VOPP1: variants seen among roughly 807,000 people sequenced by gnomAD.
VOPP1 encodes WW domain binding protein VOPP1.
A neutral mutation model predicts 23.5 loss-of-function variants in VOPP1; 8 were observed. That is an observed-to-expected ratio of 0.34 (90% CI 0.20 to 0.61). The LOEUF (loss-of-function observed/expected upper bound fraction) is 0.61, where lower values mean the gene tolerates loss of function less well. VOPP1 is among the 20% of genes least tolerant of loss of function. VOPP1 has a pLI of 0.78. For synonymous variants in VOPP1, 83 were observed against 97.3 expected (o/e 0.85, Z 0.86); for missense variants, 174 against 238.1 (o/e 0.73, Z 1.77).
intron 1 of VOPP1, among the ~76,000 whole-genome samples, chr7:55,534,307 G>C (rs1467565646): frequency 1.3e-5 from 2 of 151,978 alleles, no homozygotes; most frequent in Non-Finnish European, 2.9e-5. Flanking sequence ...ATCATCTCTT[G>C]CTTCATTTCT....
chr7:55,555,323 C>T (rs1797765527), intron 1 of VOPP1, among the ~76,000 whole-genome samples: 1 of 152,206 alleles, frequency 6.6e-6, no homozygotes, highest in Non-Finnish European at 1.5e-5. Context: ...GGGAAGCAGA[C>T]TGCATGACAA....
intron 2 of VOPP1, chr7:55,515,828 CT>C (rs2129037775): frequency 3.4e-6 from 1 of 292,502 alleles, no homozygotes; most frequent in African/African-American, 2.3e-5. Flanking sequence ...CGTCTAGGCT[CT>C]TCTCTGACAA....
At chr7:55,477,131 C>G (rs1208762066) in intron 4 of VOPP1, among the ~76,000 whole-genome samples, 2 of 152,220 alleles carry the variant, frequency 1.3e-5, no homozygotes, top group Non-Finnish European at 2.9e-5. Flanking sequence ...CCAGGCAGCC[C>G]CCTCTTGCTG....
chr7:55,562,158 T>C (rs1027692441), intron 1 of VOPP1: 5 of 691,840 alleles, frequency 7.2e-6, no homozygotes, highest in African/African-American at 7.0e-5. Context: ...GAGGTCTCTG[T>C]AGATACTGAA....
chr7:55,501,755 AG>A (rs906816654), intron 2 of VOPP1, among the ~76,000 whole-genome samples: 6 of 152,100 alleles, frequency 3.9e-5, no homozygotes, highest in African/African-American at 1.4e-4. Context: ...GAGGGGAATA[AG>A]GGGGGTGCAG....
chr7:55,451,437 T>A (rs1194665077), intron 4 of VOPP1, among the ~76,000 whole-genome samples: 1 of 152,252 alleles, frequency 6.6e-6, no homozygotes, highest in Non-Finnish European at 1.5e-5. Context: ...TATACTGTAG[T>A]CTATGAAGTG....
intron 4 of VOPP1, among the ~76,000 whole-genome samples, chr7:55,474,562 T>A (rs1043499959): frequency 6.6e-6 from 1 of 152,224 alleles, no homozygotes; most frequent in Non-Finnish European, 1.5e-5. Context: ...CCCTAGGTTC[T>A]GCTCACAATA....
intron 1 of VOPP1, among the ~76,000 whole-genome samples, chr7:55,552,444 G>A (rs1797648030): frequency 6.6e-6 from 1 of 152,106 alleles, no homozygotes; most frequent in African/African-American, 2.4e-5. Flanking sequence ...CACATATTAA[G>A]GATGCCAGCT....
intron 4 of VOPP1, among the ~76,000 whole-genome samples, chr7:55,486,828 G>C (rs1162225248): frequency 2.6e-5 from 4 of 152,168 alleles, no homozygotes; most frequent in Non-Finnish European, 5.9e-5. Flanking sequence ...CAGCTGCCCA[G>C]GGCAGCACAG....
chr7:55,562,278 C>T (rs760667534), intron 1 of VOPP1, among the ~76,000 whole-genome samples: 13 of 152,140 alleles, frequency 8.5e-5, no homozygotes, highest in African/African-American at 1.9e-4. Context: ...GGCCCTGGTC[C>T]GGATGCTGGT....
At chr7:55,543,419 C>G (rs899004696) in intron 1 of VOPP1, among the ~76,000 whole-genome samples, 23 of 152,136 alleles carry the variant, frequency 1.5e-4, no homozygotes, top group African/African-American at 5.3e-4. Context: ...AATCCTTTGT[C>G]CATTTAAAAT....
At chr7:55,521,221 G>C (rs1795829168) in intron 1 of VOPP1, 91 bp from the exon 2 acceptor site, 1 of 1,329,566 alleles carries the variant, frequency 7.5e-7, no homozygotes, top group South Asian at 1.3e-5. Flanking sequence ...AGGATGAGAA[G>C]ACACAGCTTA....
At chr7:55,512,256 T>C (rs1315806400) in intron 2 of VOPP1, among the ~76,000 whole-genome samples, 4 of 152,040 alleles carry the variant, frequency 2.6e-5, no homozygotes, top group African/African-American at 9.7e-5. Flanking sequence ...TGAAGCCCCA[T>C]CTCTACTAAA....
intron 4 of VOPP1, among the ~76,000 whole-genome samples, chr7:55,483,639 G>A (rs747527215): frequency 9.9e-5 from 15 of 151,854 alleles, no homozygotes; most frequent in Non-Finnish European, 2.1e-4. Flanking sequence ...CTTTGACCCC[G>A]CCCCTTCTTT....
chr7:55,482,697 C>T (rs1562908271), intron 4 of VOPP1, among the ~76,000 whole-genome samples: 1 of 151,918 alleles, frequency 6.6e-6, no homozygotes. Context: ...TCAGGCCGAC[C>T]TGTTAGGGTT....
chr7:55,452,859 T>C (rs181818949), intron 4 of VOPP1, among the ~76,000 whole-genome samples: 1 of 152,344 alleles, frequency 6.6e-6, no homozygotes, highest in East Asian at 1.9e-4. Flanking sequence ...GCATAATTCT[T>C]AAGGGCCCTA....
rs184908053 is a variant in VOPP1 at position 55,453,350 on chromosome 7, T to C, written n.418-17176A>G. On this transcript the variant is annotated intron_variant and non_coding_transcript_variant, in intron 4 of 4. Transcript: ENST00000462326. The stretch of plus-strand genomic sequence containing the variant: ...TTGCATTCACAAGTTGGCTACCCGG[T>C]GCAAGAGGCCTAGCTTTCAGCCTGT... Among the ~76,000 whole-genome samples, 463 of 152,364 alleles carry C rather than the reference T, an allele frequency of 3.0e-3. 3 individuals carry two copies. The highest frequency in any genetic ancestry group is 0.01 in the African/African-American group (429 of 41,596).
At chr7:55,456,035 A>G (rs1791356853) in intron 4 of VOPP1, among the ~76,000 whole-genome samples, 1 of 152,326 alleles carries the variant, frequency 6.6e-6, no homozygotes, top group African/African-American at 2.4e-5. Context: ...AACGGGAGAA[A>G]ATTTTTACAA....
chr7:55,438,582 G>GC (rs1790888312), intron 4 of VOPP1, among the ~76,000 whole-genome samples: 1 of 152,174 alleles, frequency 6.6e-6, no homozygotes, highest in Admixed American at 6.5e-5. Context: ...TGGACAGGGC[G>GC]CCTCACAGAG....
Sources: gnomAD v4.1 joint callset for allele counts (sites outside exome capture counted in the v4.1 genomes callset) on GRCh38, gnomAD v4.1.1 for gene constraint, MANE v1.5 for transcripts, NCBI Gene and HGNC (gene_info 2026-07-23, HGNC 2026-07-21) for gene names.